Variants in AP1S3 observed in about 807,000 individuals in gnomAD.
AP1S3 encodes adaptor related protein complex 1 subunit sigma 3, also known as AP-1 complex subunit sigma-3.
AP1S3 carries 10 observed loss-of-function variants against 20.9 expected under a neutral mutation model. The ratio of observed to expected loss-of-function variants is 0.48; its 90% confidence interval spans 0.29 to 0.81. The LOEUF is 0.81. Ranked by LOEUF, AP1S3 falls within the 30% of genes least tolerant of loss-of-function variation. The probability of loss-of-function intolerance (pLI) is 0.08; values close to 1 mark genes in which losing one functional copy is unlikely to be tolerated. For missense variants in AP1S3, 154 were observed against 183.8 expected, an observed-to-expected ratio of 0.84 and a Z score of 0.94; for synonymous variants, 41 against 61.5, an observed-to-expected ratio of 0.67 and a Z score of 1.56.
At chr2:223,766,080 C>T (rs1361696390) in intron 3 of AP1S3, among the ~76,000 whole-genome samples, 2 of 152,114 alleles carry the variant, frequency 1.3e-5, no homozygotes, top group African/African-American at 2.4e-5. Context: ...GCTCATTTCC[C>T]GTACTCACAC....
intron 1 of AP1S3, among the ~76,000 whole-genome samples, chr2:223,831,485 C>A (rs1206245275): frequency 1.3e-5 from 2 of 152,104 alleles, no homozygotes; most frequent in Admixed American, 6.6e-5. Flanking sequence ...TCATATGCCA[C>A]TGAGAGAATT....
In AP1S3 at chr2:223,770,072, T is replaced by A. The variant is rs1690578013; in HGVS notation, c.292-4722A>T. On this transcript the variant is annotated intron_variant, in intron 3 of 4. Coordinates refer to ENST00000396654, the MANE Select transcript of AP1S3 (RefSeq NM_001039569.2). The stretch of plus-strand genomic sequence containing the variant: ...ATCCTATTTTTAAAAACCGTATATG[T>A]TTAGAGGGACATGTAAAAATATGCA... 20 of 1,404,252 alleles carry A rather than the reference T, an allele frequency of 1.4e-5. No homozygotes were observed. In the South Asian group the frequency reaches 1.9e-4, roughly 14 times the overall value. The allele number at this position is 1,404,252 out of a possible 1,614,324, so 87.0% of individuals were successfully genotyped here.
chr2:223,812,982 G>A (rs1310768693), intron 1 of AP1S3, among the ~76,000 whole-genome samples: 1 of 152,018 alleles, frequency 6.6e-6, no homozygotes, highest in East Asian at 1.9e-4. Context: ...AGGCTGGAGT[G>A]AGGTGGCATG....
intron 1 of AP1S3, among the ~76,000 whole-genome samples, chr2:223,825,235 C>A (rs112199801): frequency 3.7e-4 from 56 of 151,788 alleles, no homozygotes; most frequent in African/African-American, 1.3e-3. Context: ...ATGGCGTGAA[C>A]CCGGGAGGCG....
chr2:223,798,856 G>A (rs904412409), intron 1 of AP1S3, among the ~76,000 whole-genome samples: 1 of 152,204 alleles, frequency 6.6e-6, no homozygotes, highest in Non-Finnish European at 1.5e-5. Context: ...CAGATCACCT[G>A]AGGTCCGGAG....
intron 4 of AP1S3, among the ~76,000 whole-genome samples, chr2:223,759,929 T>A (rs1385091287): frequency 6.6e-6 from 1 of 152,120 alleles, no homozygotes; most frequent in Non-Finnish European, 1.5e-5. Context: ...TCCATCCACG[T>A]CCCTGCAAAG....
Position 223,832,135 on chromosome 2 carries a change from C to CTCTGTGTG in AP1S3, c.3+5312_3+5313insCACACAGA, listed in dbSNP as rs1327430961. ...GGGGATTATTAAAGGAGTTTTCTCT[C>CTCTGTGTG]TGTGTGTGTGTGTGTGTGTGTGTGT... On this transcript the variant is annotated intron_variant, in intron 1 of 4. Transcript: ENST00000396654. Among the ~76,000 whole-genome samples the CTCTGTGTG allele has an allele frequency of 8.4e-3, 595 of 70,728 alleles. 12 individuals are homozygous for CTCTGTGTG. The highest frequency in any genetic ancestry group is 0.018 in the African/African-American group (429 of 23,886). The allele number at this position is 70,728 out of a possible 152,430, so 46.4% of individuals were successfully genotyped here. A position where few individuals can be genotyped will look rare whatever the true frequency, so the allele number is the denominator to read the frequency against.
Position 223,777,811 on chromosome 2 carries a change from A to T in AP1S3, c.62T>A (p.Ile21Asn), listed in dbSNP as rs1267796094. 3 of 1,613,986 alleles carry T rather than the reference A, an allele frequency of 1.9e-6. No individual in the cohort carries two copies. In the African/African-American group the frequency reaches 4.0e-5, roughly 22 times the overall value. ...CTTCCTCTCTTTATCAGGGAGAGTG[A>T]TGTACCATTTCTGTAGCCGTAATTT... ...QGKLRLQKWY[I>N]TLPDKERKKI... The change falls in exon 2 of 5, where the codon ATC becomes AAC. Residue 21 changes from isoleucine (I) to asparagine (N), a missense_variant. By Grantham distance (149) the Ile-to-Asn change is moderately radical (BLOSUM62 -3). Coordinates refer to ENST00000396654, the MANE Select transcript of AP1S3 (RefSeq NM_001039569.2).
chr2:223,817,585 G>A (rs1451841465), intron 1 of AP1S3, among the ~76,000 whole-genome samples: 1 of 145,922 alleles, frequency 6.9e-6, no homozygotes, highest in African/African-American at 2.6e-5. Flanking sequence ...TCCAGCCTAG[G>A]TGACAGAGAC....
chr2:223,813,716 G>T (rs1691784018), intron 1 of AP1S3, among the ~76,000 whole-genome samples: 2 of 152,136 alleles, frequency 1.3e-5, no homozygotes, highest in African/African-American at 2.4e-5. Flanking sequence ...CCAGTGTATG[G>T]GATAGCAAAG....
rs183085946 is a variant in AP1S3 at position 223,820,950 on chromosome 2, C to A, written c.3+16498G>T. 3.7e-4 allele frequency among the ~76,000 whole-genome samples: 56 copies of A among 152,222 alleles called. No homozygotes were observed. In the East Asian group the frequency reaches 7.9e-3, roughly 22 times the overall value. The stretch of plus-strand genomic sequence containing the variant: ...ATGCCTGAAATACACTTCTCACTAA[C>A]CCAAGTCTCTAACATACTTTCAGGG... On this transcript the variant is annotated intron_variant, in intron 1 of 4. Coordinates refer to ENST00000396654, the MANE Select transcript of AP1S3 (RefSeq NM_001039569.2).
At chr2:223,762,578 G>C (rs946017693) in intron 4 of AP1S3, among the ~76,000 whole-genome samples, 2 of 152,068 alleles carry the variant, frequency 1.3e-5, no homozygotes, top group African/African-American at 4.8e-5. Flanking sequence ...CAGACAGAGG[G>C]TTTAATTTTC....
chr2:223,793,864 G>T (rs1349549242), intron 1 of AP1S3, among the ~76,000 whole-genome samples: 1 of 151,330 alleles, frequency 6.6e-6, no homozygotes, highest in African/African-American at 2.4e-5. Flanking sequence ...GGCTCGTCTC[G>T]AACTCCTGAC....
chr2:223,762,236 G>A (rs932187310), intron 4 of AP1S3, among the ~76,000 whole-genome samples: 6 of 150,016 alleles, frequency 4.0e-5, no homozygotes, highest in Admixed American at 1.3e-4. Context: ...CCAAAGTGCT[G>A]GGATTATAGG....
At chr2:223,763,146 G>A (rs1384192935) in intron 4 of AP1S3, among the ~76,000 whole-genome samples, 1 of 152,168 alleles carries the variant, frequency 6.6e-6, no homozygotes, top group East Asian at 1.9e-4. Context: ...AGAAGAGACT[G>A]AGAGGGTGGC....
chr2:223,777,492 T>G (rs1267531297), intron 2 of AP1S3, among the ~76,000 whole-genome samples, 199 bp downstream of exon 2: 1 of 152,254 alleles, frequency 6.6e-6, no homozygotes, highest in Non-Finnish European at 1.5e-5. Flanking sequence ...TTTATTTACC[T>G]AGAATCCATC....
chr2:223,780,308 T>TATATATAA (rs1690902266), intron 1 of AP1S3, among the ~76,000 whole-genome samples: 1 of 62,048 alleles, frequency 1.6e-5, no homozygotes, highest in South Asian at 6.9e-4. Context: ...TATATATATA[T>TATATATAA]AGAGAGAGAG....
intron 1 of AP1S3, among the ~76,000 whole-genome samples, chr2:223,813,700 T>A (rs1343621353): frequency 6.6e-6 from 1 of 152,210 alleles, no homozygotes; most frequent in African/African-American, 2.4e-5. Context: ...TTCTAAAAGT[T>A]GAACACCAGT....
At chr2:223,821,362 G>A (rs2106125906) in intron 1 of AP1S3, among the ~76,000 whole-genome samples, 1 of 152,086 alleles carries the variant, frequency 6.6e-6, no homozygotes, top group Admixed American at 6.5e-5. Flanking sequence ...TCACTATGTT[G>A]GCCAGGCTGG....
Sources: gnomAD v4.1 joint callset for allele counts (sites outside exome capture counted in the v4.1 genomes callset) on GRCh38, gnomAD v4.1.1 for gene constraint, MANE v1.5 for transcripts, NCBI Gene and HGNC (gene_info 2026-07-23, HGNC 2026-07-21) for gene names.